COA8: variants seen among roughly 807,000 people sequenced by gnomAD.
The protein encoded by COA8 is cytochrome c oxidase assembly factor 8, also known as UPF0671 protein C14orf153.
A neutral mutation model predicts 22.0 loss-of-function variants in COA8; 20 were observed. That is an observed-to-expected ratio of 0.91 (90% CI 0.64 to 1.32). COA8 has a LOEUF of 1.32. Among genes scored for constraint, COA8 ranks in the 40% most tolerant of loss-of-function variants. The pLI, the probability that COA8 is intolerant of heterozygous loss-of-function variation, is 0.00. For missense variants in COA8, 266 were observed against 230.0 expected (o/e 1.16, Z -1.01); for synonymous variants, 105 against 79.9 (o/e 1.31, Z -1.68).
intron 3 of COA8, among the ~76,000 whole-genome samples, chr14:103,576,415 A>C (rs541780727): frequency 4.6e-5 from 7 of 152,174 alleles, no homozygotes; most frequent in Middle Eastern, 3.2e-3. Context: ...TATCTGGAGG[A>C]ATGATACCGT....
chr14:103,563,140 G>T lies in COA8; in HGVS notation c.123+16G>T. The T allele has an allele frequency of 6.5e-7, 1 of 1,541,044 alleles. No individual in the cohort carries two copies. Among genetic ancestry groups the T allele is most frequent in the Non-Finnish European group, 8.7e-7 (1 of 1,149,384 alleles). On this transcript the variant is annotated intron_variant, in intron 1 of 4. Coordinates refer to ENST00000409074, the MANE Select transcript of COA8 (RefSeq NM_001370595.2). ...GCCCAGCGGGGTAAGCAGGGGCCTG[G>T]GGACATTGGGCCGGGAGGGGTGACC...
chr14:103,569,283 T>C (rs2076162714), intron 1 of COA8, among the ~76,000 whole-genome samples: 1 of 152,116 alleles, frequency 6.6e-6, no homozygotes, highest in Admixed American at 6.5e-5. Flanking sequence ...AGCTCCTCCG[T>C]GAATAAAGGC....
chr14:103,579,647 C>T (rs1371628980), intron 3 of COA8, among the ~76,000 whole-genome samples: 2 of 149,716 alleles, frequency 1.3e-5, no homozygotes, highest in African/African-American at 2.4e-5. Context: ...CCGCGCCCGG[C>T]CAAAAATAGA....
intron 3 of COA8, among the ~76,000 whole-genome samples, chr14:103,582,994 C>T (rs2076279634): frequency 6.6e-6 from 1 of 152,044 alleles, no homozygotes; most frequent in South Asian, 2.1e-4. Context: ...TGGAATCATA[C>T]AATATGTGGT....
At position 103,571,673 on chromosome 14, in the gene COA8, C is replaced by G. The variant is rs2076186137; in HGVS notation, c.174C>G (p.Pro58=). 1.9e-6 allele frequency: 3 copies of G among 1,614,000 alleles called. No individual in the cohort carries two copies. Among genetic ancestry groups the G allele is most frequent in the African/African-American group, 2.7e-5 (2 of 74,892 alleles). Residue 58 remains proline (P), a synonymous_variant, in exon 2 of 5, where the codon CCC becomes CCG. Coordinates refer to ENST00000409074, the MANE Select transcript of COA8 (RefSeq NM_001370595.2). ...AGTCTTGCCATGATTGGATAGGACC[C>G]CCAGATAAATATTCAAACCTTCGAC... ...PRKSCHDWIG[P]PDKYSNLRPV...
At chr14:103,569,695 G>A (rs9652404) in intron 1 of COA8, among the ~76,000 whole-genome samples, 118 of 152,302 alleles carry the variant, frequency 7.7e-4, no homozygotes, top group African/African-American at 2.6e-3. Flanking sequence ...CCGTGGTGCC[G>A]TCCCTTTGGT....
chr14:103,590,214 C>G lies in COA8; in HGVS notation c.510C>G (p.Phe170Leu), dbSNP rs1258978068. The change falls in exon 5 of 5, where the codon TTC becomes TTG. Residue 170 changes from phenylalanine to leucine, a missense_variant. By Grantham distance (22) the Phe-to-Leu change is conservative. Coordinates refer to ENST00000409074, the MANE Select transcript of COA8 (RefSeq NM_001370595.2). Reference sequence around the variant, plus strand: ...ACAAGCGCAATTTTGCCATCACCTTCTTCATGGGAAAAGTGGCCCTGGAAA... The same window carrying G: ...ACAAGCGCAATTTTGCCATCACCTTGTTCATGGGAAAAGTGGCCCTGGAAA... ...DWYKRNFAIT[F>L]FMGKVALERI... The G allele has an allele frequency of 6.2e-7, 1 of 1,614,200 alleles. No homozygotes were observed. The highest frequency in any genetic ancestry group is 1.7e-5 in the Admixed American group (1 of 60,016).
intron 1 of COA8, among the ~76,000 whole-genome samples, chr14:103,565,833 T>C (rs1467001811): frequency 6.6e-6 from 1 of 151,908 alleles, no homozygotes; most frequent in Non-Finnish European, 1.5e-5. Flanking sequence ...CAGGGTGGTC[T>C]TGAACTCCTG....
At chr14:103,586,556 T>A (rs978231175) in intron 3 of COA8, among the ~76,000 whole-genome samples, 1 of 151,856 alleles carries the variant, frequency 6.6e-6, no homozygotes, top group Non-Finnish European at 1.5e-5. Context: ...TTGGCCAGAA[T>A]GGTCTCTATC....
chr14:103,587,468 G>T, intron 4 of COA8, 104 bp downstream of exon 4: 17 of 561,010 alleles, frequency 3.0e-5, no homozygotes, highest in Non-Finnish European at 4.5e-5. Context: ...ATCAGAGGTA[G>T]AAGTTGCAAG....
chr14:103,574,181 T>G lies in COA8; in HGVS notation c.385+11T>G, dbSNP rs200886784. On this transcript the variant is annotated intron_variant, in intron 3 of 4. Transcript: ENST00000409074. ...TGAGAACTGAATCAGGTTAGTGTGT[T>G]TGTTTGATTGTTTTTTTTGCTTTCT... 251 of 1,612,274 alleles carry G rather than the reference T, an allele frequency of 1.6e-4. No homozygotes were observed. In the African/African-American group the frequency reaches 3.0e-3, roughly 19 times the overall value.
intron 2 of COA8, among the ~76,000 whole-genome samples, chr14:103,572,083 C>T (rs982651080): frequency 6.6e-6 from 1 of 150,746 alleles, no homozygotes; most frequent in South Asian, 2.1e-4. Flanking sequence ...GCGGAGATTG[C>T]GCCACTGCAC....
intron 3 of COA8, among the ~76,000 whole-genome samples, chr14:103,582,068 C>T (rs571412920): frequency 9.2e-5 from 14 of 152,184 alleles, no homozygotes; most frequent in African/African-American, 3.1e-4. Flanking sequence ...GGGAGGCTAG[C>T]GAGCACCCTG....
rs2142297834 is a variant in COA8, at chr14:103,581,867, T to C, written c.386-5407T>C. 6.6e-6 allele frequency among the ~76,000 whole-genome samples: 1 copy of C among 152,312 alleles called. No homozygotes were observed. Among genetic ancestry groups the C allele is most frequent in the Non-Finnish European group, 1.5e-5 (1 of 68,020 alleles). On this transcript the variant is annotated intron_variant, in intron 3 of 4. Transcript: ENST00000409074. This position sits in a 1 kb window ranked among gnomAD's most constrained non-coding sequence, Gnocchi z 4.1. ...ACAGCCGTGCTTGTGCTGTGCCGTC[T>C]GAGTGTTTGTTTCTGTCTGTGGGAA... is the stretch of plus-strand genomic sequence containing the variant.
chr14:103,586,725 C>G (rs1032115100), intron 3 of COA8, among the ~76,000 whole-genome samples: 43 of 151,128 alleles, frequency 2.8e-4, no homozygotes, highest in African/African-American at 7.6e-4. Flanking sequence ...ACCTCTGCCA[C>G]CCCCCACCGG....
At chr14:103,563,735 A>G (rs1248639267) in intron 1 of COA8, among the ~76,000 whole-genome samples, 1 of 152,238 alleles carries the variant, frequency 6.6e-6, no homozygotes, top group Admixed American at 6.5e-5. Context: ...TCAGATGAAA[A>G]TGTTGACTAA....
Position 103,587,037 on chromosome 14 carries a change from G to A in COA8, c.386-237G>A, listed in dbSNP as rs552497610. ...ATTTTTCAGTGTACACATCTTACAC[G>A]TCTCCTCTCAAATTTATTCCTAAGT... On this transcript the variant is annotated intron_variant, in intron 3 of 4. Transcript: ENST00000409074. 2.6e-5 allele frequency among the ~76,000 whole-genome samples: 4 copies of A among 152,166 alleles called. No individual in the cohort carries two copies. The East Asian group carries it at 5.8e-4, about 22-fold the overall frequency.
intron 1 of COA8, among the ~76,000 whole-genome samples, chr14:103,564,342 A>T (rs1367947588): frequency 6.6e-6 from 1 of 152,164 alleles, no homozygotes; most frequent in East Asian, 1.9e-4. Flanking sequence ...TCTGTGTTAC[A>T]GTGACCAAGT....
At chr14:103,585,206 C>T (rs192289221) in intron 3 of COA8, among the ~76,000 whole-genome samples, 9 of 151,788 alleles carry the variant, frequency 5.9e-5, no homozygotes, top group Admixed American at 5.3e-4. Context: ...TGGCCAGGCG[C>T]GGTGGCTCAC....
Sources: gnomAD v4.1 joint callset for allele counts (sites outside exome capture counted in the v4.1 genomes callset) on GRCh38, gnomAD v4.1.1 for gene constraint, Gnocchi (gnomAD v3.1) non-coding constraint, MANE v1.5 for transcripts, NCBI Gene and HGNC (gene_info 2026-07-23, HGNC 2026-07-21) for gene names.